LINGO2: variants seen among roughly 807,000 people sequenced by gnomAD.
The protein encoded by LINGO2 is leucine rich repeat and Ig domain containing 2.
In LINGO2, 14 loss-of-function variants were observed where a neutral mutation model predicts 30.6. The ratio of observed to expected loss-of-function variants is 0.46; its 90% CI spans 0.30 to 0.72. The LOEUF (loss-of-function observed/expected upper bound fraction) is 0.72, where lower values mean the gene tolerates loss of function less well. Ranked by LOEUF, LINGO2 falls within the 30% of genes least tolerant of loss-of-function variation. LINGO2 has a pLI of 0.07. For synonymous variants in LINGO2, 317 were observed against 288.5 expected, an observed-to-expected ratio of 1.10 and a Z score of -1.00; for missense variants, 729 against 751.7, an observed-to-expected ratio of 0.97 and a Z score of 0.35.
At chr9:29,018,331 C>T in the LINGO2 span, among the ~76,000 whole-genome samples, 1 of 151,650 alleles carries the variant, frequency 6.6e-6, no homozygotes, top group African/African-American at 2.4e-5. Flanking sequence ...GGAGCATGGG[C>T]TGTAAAAACA....
the LINGO2 span, among the ~76,000 whole-genome samples, chr9:29,039,306 A>G: frequency 6.6e-6 from 1 of 152,176 alleles, no homozygotes; most frequent in Non-Finnish European, 1.5e-5. Context: ...GGAGAAATAT[A>G]GTCTTTGTAT....
At chr9:28,225,946 C>T (rs548858190) in intron 4 of LINGO2, among the ~76,000 whole-genome samples, 1 of 152,090 alleles carries the variant, frequency 6.6e-6, no homozygotes, top group Non-Finnish European at 1.5e-5. Flanking sequence ...AGTCATCTCT[C>T]CAGTATGGCA....
chr9:29,202,235 G>A, the LINGO2 span, among the ~76,000 whole-genome samples: 1 of 151,858 alleles, frequency 6.6e-6, no homozygotes, highest in African/African-American at 2.4e-5. Flanking sequence ...AAAGTAGAGA[G>A]ATTCCAGGAA....
the LINGO2 span, among the ~76,000 whole-genome samples, chr9:29,110,245 A>T: frequency 6.6e-6 from 1 of 152,202 alleles, no homozygotes; most frequent in African/African-American, 2.4e-5. Flanking sequence ...ATGTTCAAAC[A>T]AATGTCTTGA....
At chr9:28,438,626 C>T (rs1024241376) in intron 2 of LINGO2, among the ~76,000 whole-genome samples, 4 of 152,048 alleles carry the variant, frequency 2.6e-5, no homozygotes, top group African/African-American at 9.7e-5. Flanking sequence ...TGCATATCTA[C>T]ATATGTCCTA....
the LINGO2 span, among the ~76,000 whole-genome samples, chr9:28,741,156 C>G: frequency 6.6e-6 from 1 of 151,974 alleles, no homozygotes; most frequent in Non-Finnish European, 1.5e-5. Flanking sequence ...GCCTAGAACT[C>G]AGGTCCACTG....
At chr9:28,295,778 T>C (rs1279683834) in intron 3 of LINGO2, among the ~76,000 whole-genome samples, 1 of 152,176 alleles carries the variant, frequency 6.6e-6, no homozygotes. Flanking sequence ...CATGAGCAGT[T>C]AGAGCGAAAT....
the LINGO2 span, among the ~76,000 whole-genome samples, chr9:28,924,871 T>C: frequency 7.2e-5 from 11 of 152,208 alleles, no homozygotes; most frequent in African/African-American, 2.7e-4. Flanking sequence ...TCTCTTTTTA[T>C]AGTTCTTGAC....
At chr9:29,021,117 C>T in the LINGO2 span, among the ~76,000 whole-genome samples, 5 of 152,000 alleles carry the variant, frequency 3.3e-5, no homozygotes, top group Non-Finnish European at 5.9e-5. Flanking sequence ...GATTCATGTA[C>T]AGATATTTGT....
chr9:28,971,943 GA>G, the LINGO2 span, among the ~76,000 whole-genome samples: 2 of 152,224 alleles, frequency 1.3e-5, no homozygotes, highest in African/African-American at 4.8e-5. Flanking sequence ...AGGTTGCTCA[GA>G]CCAGAGAGAG....
At chr9:28,665,505 G>C (rs897812715) in intron 1 of LINGO2, among the ~76,000 whole-genome samples, 1 of 152,014 alleles carries the variant, frequency 6.6e-6, no homozygotes, top group African/African-American at 2.4e-5. Flanking sequence ...TGAGACTGAA[G>C]GAAAATATGT....
intron 1 of LINGO2, among the ~76,000 whole-genome samples, chr9:28,545,820 T>C (rs1388161487): frequency 1.3e-5 from 2 of 152,092 alleles, no homozygotes; most frequent in African/African-American, 4.8e-5. Flanking sequence ...ATTTTACAGA[T>C]TGGTTCACTA....
chr9:28,619,824 A>C (rs1299532193), intron 1 of LINGO2, among the ~76,000 whole-genome samples: 1 of 152,152 alleles, frequency 6.6e-6, no homozygotes, highest in Non-Finnish European at 1.5e-5. Flanking sequence ...AAGTAGTGAC[A>C]GCTTATAGGG....
intron 3 of LINGO2, among the ~76,000 whole-genome samples, chr9:28,327,096 G>C (rs1363225701): frequency 6.6e-6 from 1 of 152,098 alleles, no homozygotes; most frequent in Non-Finnish European, 1.5e-5. Context: ...ATTACAAAAA[G>C]GCTTGTTCAC....
At chr9:28,120,216 A>G (rs1039613651) in intron 4 of LINGO2, among the ~76,000 whole-genome samples, 1 of 152,210 alleles carries the variant, frequency 6.6e-6, no homozygotes, top group Non-Finnish European at 1.5e-5. Context: ...TGGGAAAACC[A>G]ATCTAAGGTA....
chr9:27,957,027 C>T (rs897598183), intron 5 of LINGO2, among the ~76,000 whole-genome samples: 14 of 152,104 alleles, frequency 9.2e-5, no homozygotes, highest in African/African-American at 2.7e-4. Flanking sequence ...CTGAGGAGTT[C>T]GAAGCTGCAG....
chr9:29,209,404 T>A, the LINGO2 span, among the ~76,000 whole-genome samples: 1 of 152,148 alleles, frequency 6.6e-6, no homozygotes, highest in African/African-American at 2.4e-5. Context: ...ATTTTAAGAC[T>A]ATCACCCACT....
the LINGO2 span, among the ~76,000 whole-genome samples, chr9:29,108,494 T>C: frequency 6.6e-6 from 1 of 152,192 alleles, no homozygotes; most frequent in Admixed American, 6.5e-5. Flanking sequence ...TTCTCAATAA[T>C]GTAGGCTAAC....
At chr9:28,100,704 T>A (rs2133310310) in intron 4 of LINGO2, among the ~76,000 whole-genome samples, 1 of 152,282 alleles carries the variant, frequency 6.6e-6, no homozygotes, top group South Asian at 2.1e-4. Context: ...TGTAGTTACC[T>A]TATTCATCTC....
Sources: allele counts gnomAD v4.1 joint callset (sites outside exome capture counted in the v4.1 genomes callset), GRCh38; gene constraint gnomAD v4.1.1; transcripts MANE v1.5; gene names NCBI Gene and HGNC (gene_info 2026-07-23, HGNC 2026-07-21).